Variants in MBNL1 observed in about 807,000 individuals in gnomAD.
The protein encoded by MBNL1 is muscleblind like splicing regulator 1, also known as muscleblind-like protein 1.
A neutral mutation model predicts 42.2 loss-of-function variants in MBNL1; 8 were observed. The ratio of observed to expected loss-of-function variants is 0.19; its 90% confidence interval spans 0.11 to 0.34. The LOEUF (loss-of-function observed/expected upper bound fraction) is 0.34. Ranked by LOEUF, MBNL1 falls within the 10% of genes least tolerant of loss-of-function variation. The pLI is 1.00. For synonymous variants in MBNL1, 169 were observed against 173.9 expected (o/e 0.97, Z 0.22); for missense variants, 309 against 495.3 (o/e 0.62, Z 3.57).
At chr3:152,417,789 G>A (rs2098727400) in intron 3 of MBNL1, among the ~76,000 whole-genome samples, 1 of 152,174 alleles carries the variant, frequency 6.6e-6, no homozygotes, top group South Asian at 2.1e-4. Context: ...CACAAGCCCA[G>A]TTACAGAGGC....
intron 2 of MBNL1, among the ~76,000 whole-genome samples, chr3:152,258,679 G>A (rs866143599): frequency 1.3e-5 from 2 of 152,214 alleles, no homozygotes; most frequent in African/African-American, 2.4e-5. Flanking sequence ...TAACCCCAAA[G>A]TAGACAGTGT....
rs191549793 is a variant in MBNL1 at position 152,354,721 on chromosome 3, A to G, written c.174+54354A>G. ...GCACATATTGTTGTGTAAGAAAAGTAAATACCAACTTAGCATGTTTAATCA... is the reference window on the plus strand; with the variant it reads ...GCACATATTGTTGTGTAAGAAAAGTGAATACCAACTTAGCATGTTTAATCA... On this transcript the variant is annotated intron_variant, in intron 2 of 9. Transcript: ENST00000324210. Among the ~76,000 whole-genome samples the G allele has an allele frequency of 8.5e-3, 1,297 of 152,180 alleles. 16 individuals are homozygous for G. Among genetic ancestry groups the G allele is most frequent in the Non-Finnish European group, 0.015 (997 of 68,000 alleles).
intron 1 of MBNL1, among the ~76,000 whole-genome samples, chr3:152,295,495 G>T (rs1393195495): frequency 6.6e-6 from 1 of 152,108 alleles, no homozygotes; most frequent in Non-Finnish European, 1.5e-5. Context: ...GTTTATTTCT[G>T]TAAGTGTGAA....
At chr3:152,438,846 C>T (rs1161524213) in intron 4 of MBNL1, among the ~76,000 whole-genome samples, 1 of 152,180 alleles carries the variant, frequency 6.6e-6, no homozygotes. Context: ...GGTAAGAACA[C>T]TGTGCATGGC....
intron 2 of MBNL1, among the ~76,000 whole-genome samples, chr3:152,379,198 G>T (rs1456494562): frequency 2.0e-5 from 3 of 151,852 alleles, no homozygotes; most frequent in African/African-American, 7.3e-5. Flanking sequence ...ATTACCCTTG[G>T]GTTTCTCTTG....
chr3:152,353,089 T>C (rs1158716048), intron 2 of MBNL1, among the ~76,000 whole-genome samples: 3 of 152,202 alleles, frequency 2.0e-5, no homozygotes, highest in African/African-American at 7.2e-5. Flanking sequence ...TTTTTGTCTT[T>C]TATATGAGAG....
chr3:152,345,073 T>C (rs532658291), intron 2 of MBNL1, among the ~76,000 whole-genome samples: 1 of 152,266 alleles, frequency 6.6e-6, no homozygotes, highest in South Asian at 2.1e-4. Context: ...TTTACTTCAC[T>C]TACCCTGGGA....
At chr3:152,416,119 A>G (rs78047234) in intron 3 of MBNL1, among the ~76,000 whole-genome samples, 1 of 152,176 alleles carries the variant, frequency 6.6e-6, no homozygotes, top group Non-Finnish European at 1.5e-5. Context: ...TTTTTTCCGA[A>G]TACATTCTAA....
intron 2 of MBNL1, among the ~76,000 whole-genome samples, chr3:152,391,233 C>A (rs2097703238): frequency 6.6e-6 from 1 of 152,152 alleles, no homozygotes; most frequent in African/African-American, 2.4e-5. Context: ...TCTCCTTTTT[C>A]AGTTTTAAAG....
chr3:152,246,078 T>C (rs984981420), intron 2 of MBNL1, among the ~76,000 whole-genome samples: 13 of 152,284 alleles, frequency 8.5e-5, no homozygotes, highest in Admixed American at 5.2e-4. Context: ...AGCCAGATTC[T>C]GTCTCTAAAA....
chr3:152,436,370 C>T (rs759590077), intron 4 of MBNL1, among the ~76,000 whole-genome samples: 1 of 152,184 alleles, frequency 6.6e-6, no homozygotes, highest in African/African-American at 2.4e-5. Context: ...TAGGTAGATA[C>T]ACCTGATACA....
intron 2 of MBNL1, among the ~76,000 whole-genome samples, chr3:152,386,413 C>T (rs2097426317): frequency 6.6e-6 from 1 of 151,958 alleles, no homozygotes; most frequent in Non-Finnish European, 1.5e-5. Flanking sequence ...CATATTAAAG[C>T]CTGTTTCTAT....
intron 2 of MBNL1, among the ~76,000 whole-genome samples, chr3:152,368,432 A>G (rs2096523452): frequency 6.6e-6 from 1 of 152,186 alleles, no homozygotes; most frequent in Admixed American, 6.5e-5. Context: ...TACAGTTTGA[A>G]GTCGGGTAGC....
At chr3:152,246,251 G>A (rs1164542212) in intron 2 of MBNL1, among the ~76,000 whole-genome samples, 1 of 152,064 alleles carries the variant, frequency 6.6e-6, no homozygotes, top group Non-Finnish European at 1.5e-5. Flanking sequence ...AGGAAACATA[G>A]CCCAAGGAGA....
rs1314300128 is a variant in MBNL1, at chr3:152,332,717, TGTGTGTGTGTGTGTGTGTGTGTGC to T, written c.174+32352_174+32375del. 8.2e-3 allele frequency among the ~76,000 whole-genome samples: 1,066 copies of T among 129,984 alleles called. 22 individuals carry two copies. Among genetic ancestry groups the T allele is most frequent in the African/African-American group, 0.031 (1,016 of 32,564 alleles). The allele number at this position is 129,984 out of a possible 152,430, so 85.3% of individuals were successfully genotyped here. On this transcript the variant is annotated intron_variant, in intron 2 of 9. Coordinates refer to ENST00000324210, the MANE Select transcript of MBNL1 (RefSeq NM_021038.5). ...TTGTGTGTGTGTGTGTGTGTGTGTG[TGTGTGTGTGTGTGTGTGTGTGTGC>T]GCGCGCGCATGCGCACACACTAGTT... is the stretch of plus-strand genomic sequence containing the variant.
In MBNL1 at chr3:152,319,614, GTTTTTTTTTTTTTTTT is replaced by G. The variant is rs202070328; in HGVS notation, c.174+19257_174+19272del. Among the ~76,000 whole-genome samples, 17 of 80,520 alleles carry G rather than the reference GTTTTTTTTTTTTTTTT, an allele frequency of 2.1e-4. No homozygotes were observed. The South Asian group carries it at 7.0e-3, about 33-fold the overall frequency. 52.8% of individuals were successfully genotyped at this position (80,520 alleles called of 152,430 possible). On this transcript the variant is annotated intron_variant, in intron 2 of 9. Coordinates refer to ENST00000324210, the MANE Select transcript of MBNL1 (RefSeq NM_021038.5). ...TACGGTGGCATTAAAGTTCTATACT[GTTTTTTTTTTTTTTTT>G]TTTTTTTTTGGCTGGACAACAGACT...
At chr3:152,340,441 T>C in intron 2 of MBNL1, 1 of 1,474,034 alleles carries the variant, frequency 6.8e-7, no homozygotes, top group South Asian at 1.4e-5. Flanking sequence ...TCAGTTCCAT[T>C]TTTTTTTTAA....
intron 2 of MBNL1, among the ~76,000 whole-genome samples, chr3:152,251,579 C>G (rs538849283): frequency 8.6e-5 from 13 of 152,030 alleles, no homozygotes; most frequent in Non-Finnish European, 1.6e-4. Flanking sequence ...AGATTTTAAT[C>G]ATTATGGCAT....
At chr3:152,413,283 A>C (rs549134117) in intron 2 of MBNL1, among the ~76,000 whole-genome samples, 1 of 152,246 alleles carries the variant, frequency 6.6e-6, no homozygotes, top group South Asian at 2.1e-4. Flanking sequence ...CTTCATACCA[A>C]TGTTTTGTTT....
Sources: allele counts gnomAD v4.1 joint callset (sites outside exome capture counted in the v4.1 genomes callset), GRCh38; gene constraint gnomAD v4.1.1; transcripts MANE v1.5; gene names NCBI Gene and HGNC (gene_info 2026-07-23, HGNC 2026-07-21).